Variants in NTN5 observed in about 807,000 individuals in gnomAD.
The protein encoded by NTN5 is netrin-5.
NTN5 carries 42 observed loss-of-function variants against 38.7 expected under a neutral mutation model. That is an observed-to-expected ratio of 1.08 (90% confidence interval 0.85 to 1.40). The LOEUF (loss-of-function observed/expected upper bound fraction) is 1.40, where lower values mean the gene tolerates loss of function less well. Among genes scored for constraint, NTN5 ranks in the 40% most tolerant of loss-of-function variants. The pLI, the probability that NTN5 is intolerant of heterozygous loss-of-function variation, is 0.00. For missense variants in NTN5, 658 were observed against 716.5 expected, an observed-to-expected ratio of 0.92 and a Z score of 0.93; for synonymous variants, 329 against 303.9, an observed-to-expected ratio of 1.08 and a Z score of -0.86.
At chr19:48,667,540 T>C (rs1286956916) in intron 2 of NTN5, 2 of 172,586 alleles carry the variant, frequency 1.2e-5, no homozygotes, top group Admixed American at 1.3e-4. Context: ...AGTTAGCCCA[T>C]GTGATCTTCA....
intron 2 of NTN5, among the ~76,000 whole-genome samples, chr19:48,669,387 C>T (rs1306928002): frequency 7.0e-5 from 1 of 14,262 alleles, no homozygotes; most frequent in Admixed American, 5.8e-4. Flanking sequence ...ACCATCACCA[C>T]CACCATCACC....
At chr19:48,667,866 A>G (rs926487176) in intron 2 of NTN5, among the ~76,000 whole-genome samples, 25 of 152,080 alleles carry the variant, frequency 1.6e-4, no homozygotes, top group African/African-American at 6.0e-4. Context: ...AAAAGAAAAA[A>G]AAAAGAAATA....
At chr19:48,663,216 A>G (rs1330388678) in intron 6 of NTN5, 2 of 627,148 alleles carry the variant, frequency 3.2e-6, no homozygotes, top group African/African-American at 3.6e-5. Flanking sequence ...GCTGAAGGAG[A>G]TGATGAAACT....
At position 48,664,206 on chromosome 19, in the gene NTN5, G is replaced by C; in HGVS notation, c.907C>G (p.Leu303Val). The C allele has an allele frequency of 1.2e-6, 2 of 1,611,238 alleles. No individual in the cohort carries two copies. The highest frequency in any genetic ancestry group is 1.7e-6 in the Non-Finnish European group (2 of 1,178,916). ...CCAGGGCCACAGCGGTTGCAGGTCA[G>C]GCCTGTGACCCCTAACTTGCAGGTG... ...QCTCKLGVTG[L>V]TCNRCGPGYQ... is the part of the protein sequence containing the mutation. Residue 303 changes from leucine to valine, a missense_variant, in exon 4 of 7, where the codon CTG becomes GTG. Transcript: ENST00000270235.
rs2122146608 is a variant in NTN5 at position 48,670,992 on chromosome 19, C to T, written c.-6G>A. 1 of 1,510,436 alleles carries T rather than the reference C, an allele frequency of 6.6e-7. No homozygotes were observed. The highest frequency in any genetic ancestry group is 2.3e-5 in the East Asian group (1 of 43,464). 93.6% of individuals were successfully genotyped at this position (1,510,436 alleles called of 1,614,324 possible). The stretch of plus-strand genomic sequence containing the variant: ...AGGGCAAAGGTCACGGGCATGGTCA[C>T]AGCAGAGCCAGCACCTGGAGGGAAG... On this transcript the variant is annotated 5_prime_UTR_variant, in exon 2 of 7. It adds an upstream start codon to the 5' untranslated region. Transcript: ENST00000270235.
intron 2 of NTN5, among the ~76,000 whole-genome samples, chr19:48,666,960 C>T (rs188757102): frequency 1.4e-3 from 210 of 152,058 alleles, no homozygotes; most frequent in Non-Finnish European, 2.2e-3. Context: ...GGTTTGAGAG[C>T]CCTGGACTGG....
chr19:48,665,594 G>A (rs944961096), intron 2 of NTN5, among the ~76,000 whole-genome samples: 2 of 152,192 alleles, frequency 1.3e-5, no homozygotes, highest in Non-Finnish European at 2.9e-5. Flanking sequence ...GCCAAGGTGG[G>A]CAGATCACCT....
chr19:48,666,519 G>A (rs2031707329), intron 2 of NTN5, among the ~76,000 whole-genome samples: 1 of 151,590 alleles, frequency 6.6e-6, no homozygotes, highest in South Asian at 2.1e-4. Context: ...CTGGGCAACA[G>A]AGTGAGACCT....
chr19:48,664,397 C>T, intron 3 of NTN5, 105 bp from the exon 4 acceptor site: 1 of 1,439,106 alleles, frequency 6.9e-7, no homozygotes, highest in South Asian at 1.3e-5. Flanking sequence ...GGCCCCCAGC[C>T]CCTCTTCCCT....
chr19:48,661,938 T>C lies in NTN5; in HGVS notation c.1209A>G (p.Arg403=). 7.2e-7 allele frequency: 1 copy of C among 1,381,032 alleles called. No homozygotes were observed. Among genetic ancestry groups the C allele is most frequent in the Non-Finnish European group, 9.3e-7 (1 of 1,072,572 alleles). 85.5% of individuals were successfully genotyped at this position (1,381,032 alleles called of 1,614,324 possible). A position where few individuals can be genotyped will look rare whatever the true frequency, so the allele number is the denominator to read the frequency against. The part of the protein sequence containing the change: ...AVYKQRAQPV[R]RGDQDAWVPR... The stretch of plus-strand genomic sequence containing the variant: ...GCACCCAGGCGTCCTGGTCGCCGCG[T>C]CGCACGGGCTGCGCCCGCTGCTTGT... Residue 403 remains arginine (R), a synonymous_variant, in exon 7 of 7, where the codon CGA becomes CGG. Coordinates refer to ENST00000270235, the MANE Select transcript of NTN5 (RefSeq NM_145807.4).
At chr19:48,665,921 C>T (rs1272632881) in intron 2 of NTN5, among the ~76,000 whole-genome samples, 1 of 151,988 alleles carries the variant, frequency 6.6e-6, no homozygotes, top group Non-Finnish European at 1.5e-5. Context: ...TAATTTATCC[C>T]TTCTGTAGTT....
intron 2 of NTN5, among the ~76,000 whole-genome samples, chr19:48,667,924 G>A (rs563423944): frequency 6.4e-4 from 98 of 152,080 alleles, no homozygotes; most frequent in Non-Finnish European, 9.1e-4. Context: ...GAAGGCCAGG[G>A]TACACTTGCA....
chr19:48,670,204 G>C, intron 2 of NTN5, 152 bp downstream of exon 2: 1 of 729,116 alleles, frequency 1.4e-6, no homozygotes, highest in Non-Finnish European at 2.0e-6. Flanking sequence ...CTGGCTGCAG[G>C]GAGGAGGTAT....
rs758173584 is a variant in NTN5, at chr19:48,664,551, C to T, written c.820+28G>A. The T allele has an allele frequency of 3.2e-6, 5 of 1,577,114 alleles. No individual in the cohort carries two copies. In the East Asian group the frequency reaches 9.0e-5, roughly 28 times the overall value. Reference sequence around the variant, plus strand: ...GGAGTCCAGCCCTACCTCTGCTCCCCCCAGGCCTGTCTGCAGGCCACACTC... The same window carrying T: ...GGAGTCCAGCCCTACCTCTGCTCCCTCCAGGCCTGTCTGCAGGCCACACTC... On this transcript the variant is annotated intron_variant, in intron 3 of 6. Transcript: ENST00000270235.
At chr19:48,668,935 T>A (rs1251374266) in intron 2 of NTN5, among the ~76,000 whole-genome samples, 1 of 148,470 alleles carries the variant, frequency 6.7e-6, no homozygotes, top group Non-Finnish European at 1.5e-5. Context: ...TATTACATCA[T>A]CATCACCACC....
At position 48,670,490 on chromosome 19, in the gene NTN5, C is replaced by T; in HGVS notation, c.497G>A (p.Cys166Tyr). Reference protein sequence around the residue: ...RCQCHGHAARCAARARPPRCH... With the variant: ...RCQCHGHAARYAARARPPRCH... ...GCGGGGGGGCCGGGCACGGGCGGCA[C>T]AGCGGGCAGCGTGGCCATGACACTG... The change falls in exon 2 of 7, where the codon TGT (cysteine) becomes TAT (tyrosine). Residue 166 changes from cysteine (C) to tyrosine (Y), a missense_variant. Physicochemically the swap from Cys to Tyr is radical, Grantham distance 194. Transcript: ENST00000270235. 1 of 1,478,386 alleles carries T rather than the reference C, an allele frequency of 6.8e-7. No homozygotes were observed. Among genetic ancestry groups the T allele is most frequent in the African/African-American group, 1.4e-5 (1 of 71,052 alleles). The allele number at this position is 1,478,386 out of a possible 1,614,324, so 91.6% of individuals were successfully genotyped here. A position where few individuals can be genotyped will look rare whatever the true frequency, so the allele number is the denominator to read the frequency against.
chr19:48,669,900 C>T (rs547238886), intron 2 of NTN5, among the ~76,000 whole-genome samples: 2,910 of 120,064 alleles, frequency 0.024, 111 homozygotes, highest in African/African-American at 0.094. Context: ...ATCACCACCA[C>T]CATCACCACC....
At chr19:48,669,217 CACCACCACG>C (rs1317664870) in intron 2 of NTN5, among the ~76,000 whole-genome samples, 1 of 40,262 alleles carries the variant, frequency 2.5e-5, no homozygotes, top group Non-Finnish European at 4.5e-5. Flanking sequence ...TCACCACCAC[CACCACCACG>C]ACCATCATCA....
chr19:48,669,819 C>CCATCACCAA (rs1183156950), intron 2 of NTN5, among the ~76,000 whole-genome samples: 21 of 94,742 alleles, frequency 2.2e-4, no homozygotes, highest in Admixed American at 7.6e-4. Context: ...ATCACCATCA[C>CCATCACCAA]CACCACCACC....
Sources: gnomAD v4.1 joint callset for allele counts (sites outside exome capture counted in the v4.1 genomes callset) on GRCh38, gnomAD v4.1.1 for gene constraint, MANE v1.5 for transcripts, NCBI Gene and HGNC (gene_info 2026-07-23, HGNC 2026-07-21) for gene names.